Variants in WASF1 observed in about 807,000 individuals in gnomAD.
WASF1 encodes the protein WASP family member 1, also known as actin-binding protein WASF1.
In WASF1, 7 loss-of-function variants were observed where a neutral mutation model predicts 50.5. The observed-to-expected ratio is 0.14, with a 90% confidence interval of 0.08 to 0.26. WASF1 has a LOEUF of 0.26. Ranked by LOEUF, WASF1 falls within the 10% of genes least tolerant of loss-of-function variation. The pLI is 1.00. For synonymous variants in WASF1, 205 were observed against 244.0 expected, an observed-to-expected ratio of 0.84 and a Z score of 1.49; for missense variants, 470 against 694.7, an observed-to-expected ratio of 0.68 and a Z score of 3.64.
At chr6:110,147,927 T>G (rs2114572500) in intron 3 of WASF1, among the ~76,000 whole-genome samples, 1 of 152,250 alleles carries the variant, frequency 6.6e-6, no homozygotes. Flanking sequence ...TTAAATTTTT[T>G]GAAGAGACGA....
At chr6:110,146,550 AT>A (rs1475384969) in intron 3 of WASF1, among the ~76,000 whole-genome samples, 1 of 151,846 alleles carries the variant, frequency 6.6e-6, no homozygotes, top group Non-Finnish European at 1.5e-5. Context: ...AAAAATATAT[AT>A]ATCTAACTTT....
intron 3 of WASF1, among the ~76,000 whole-genome samples, chr6:110,135,721 CTTTTTTTTT>C (rs139834112): frequency 8.2e-5 from 6 of 73,538 alleles, no homozygotes; most frequent in East Asian, 9.8e-4. Flanking sequence ...GGAAGATTAT[CTTTTTTTTT>C]TTTTTTTTTT....
chr6:110,124,201 CTCTCTCT>C (rs1183714328), intron 4 of WASF1, among the ~76,000 whole-genome samples: 4 of 124,480 alleles, frequency 3.2e-5, no homozygotes, highest in African/African-American at 1.2e-4. Flanking sequence ...GTCTCTCTCT[CTCTCTCT>C]CTCTCTCTCC....
rs564688868 is a variant in WASF1 at position 110,114,625 on chromosome 6, A to G, written c.134-1165T>C. ...TGACAACTTAAAGCAAAAGGAAGGC[A>G]AAGGATCTAAACCTGGAAAATTTAA... On this transcript the variant is annotated intron_variant, in intron 4 of 10. Coordinates refer to ENST00000392589, the MANE Select transcript of WASF1 (RefSeq NM_003931.3). Among the ~76,000 whole-genome samples, 12 of 152,300 alleles carry G rather than the reference A, an allele frequency of 7.9e-5. No individual in the cohort carries two copies. In the East Asian group the frequency reaches 2.1e-3, roughly 27 times the overall value.
At chr6:110,178,798 A>G (rs529068887) in intron 1 of WASF1, 56 bp from the exon 2 acceptor site, 1 of 152,878 alleles carries the variant, frequency 6.5e-6, no homozygotes, top group East Asian at 1.9e-4. Flanking sequence ...GCATAGTTGA[A>G]TAATTATCTG....
At chr6:110,142,377 AC>A (rs1029186923) in intron 3 of WASF1, among the ~76,000 whole-genome samples, 19 of 152,106 alleles carry the variant, frequency 1.2e-4, no homozygotes, top group African/African-American at 4.6e-4. Flanking sequence ...TAGAGAGAAA[AC>A]CTTTCCTCAT....
chr6:110,175,976 T>C (rs922111751), intron 2 of WASF1, among the ~76,000 whole-genome samples: 4 of 152,146 alleles, frequency 2.6e-5, no homozygotes, highest in Non-Finnish European at 5.9e-5. Context: ...TCAGGTATTT[T>C]ATTATTTAAA....
At chr6:110,171,690 A>C (rs1486254613) in intron 2 of WASF1, among the ~76,000 whole-genome samples, 1 of 152,186 alleles carries the variant, frequency 6.6e-6, no homozygotes, top group Non-Finnish European at 1.5e-5. Flanking sequence ...ATGGGATCTA[A>C]TTAAACTAAA....
intron 2 of WASF1, among the ~76,000 whole-genome samples, chr6:110,165,650 C>CT (rs920839850): frequency 6.6e-6 from 1 of 151,526 alleles, no homozygotes; most frequent in East Asian, 1.9e-4. Context: ...AATACTTTTT[C>CT]TTTTTTTATA....
chr6:110,102,360 A>G (rs1261127467), intron 9 of WASF1, 144 bp from the exon 10 acceptor site: 3 of 837,684 alleles, frequency 3.6e-6, no homozygotes, highest in African/African-American at 3.5e-5. Flanking sequence ...AACATCTTCA[A>G]CAGTATTTAG....
intron 3 of WASF1, among the ~76,000 whole-genome samples, chr6:110,149,213 AT>A (rs1775714861): frequency 6.6e-6 from 1 of 151,714 alleles, no homozygotes; most frequent in Admixed American, 6.6e-5. Flanking sequence ...TCCCCCTTTC[AT>A]TTTTTTCCTT....
rs572576237 is a variant in WASF1, at chr6:110,129,661, G to A, written c.-28-2032C>T. 2.9e-4 allele frequency among the ~76,000 whole-genome samples: 44 copies of A among 152,272 alleles called. No homozygotes were observed. In the South Asian group the frequency reaches 8.7e-3, roughly 30 times the overall value. ...CAATTTGCCAAGGCACAGAAAAGAT[G>A]CTCACTTTGCTAGCTCTGCTATTGT... is the stretch of plus-strand genomic sequence containing the variant. On this transcript the variant is annotated intron_variant, in intron 3 of 10. Transcript: ENST00000392589.
At position 110,127,700 on chromosome 6, in the gene WASF1, T is replaced by C. The variant is rs867546136; in HGVS notation, c.-28-71A>G. ...CACAGAATGAGACTTTATTTTTCATTGAAGAATAAAGCACTGTTGACCCTT... is the reference window on the plus strand; with the variant it reads ...CACAGAATGAGACTTTATTTTTCATCGAAGAATAAAGCACTGTTGACCCTT... On this transcript the variant is annotated intron_variant, in intron 3 of 10. Transcript: ENST00000392589. The C allele has an allele frequency of 1.3e-5, 17 of 1,331,978 alleles. No individual in the cohort carries two copies. In the Middle Eastern group the frequency reaches 1.6e-3, roughly 125 times the overall value. 82.5% of individuals were successfully genotyped at this position (1,331,978 alleles called of 1,614,324 possible).
At chr6:110,111,964 A>G (rs1338001979) in intron 5 of WASF1, among the ~76,000 whole-genome samples, 1 of 151,630 alleles carries the variant, frequency 6.6e-6, no homozygotes, top group Admixed American at 6.6e-5. Flanking sequence ...TAATAAAGCT[A>G]TTTTTTAAGT....
rs1198150295 is a variant in WASF1 at position 110,127,597 on chromosome 6, G to A, written c.5C>T (p.Pro2Leu). The A allele has an allele frequency of 1.9e-6, 3 of 1,552,612 alleles. No homozygotes were observed. Among genetic ancestry groups the A allele is most frequent in the African/African-American group, 1.4e-5 (1 of 72,432 alleles). The change falls in exon 4 of 11, where the codon CCG becomes CTG. Residue 2 changes from proline to leucine, a missense_variant. Physicochemically the swap from Pro to Leu is moderately conservative, Grantham distance 98. Around this residue, in one of 3 missense-constraint regions of WASF1, gnomAD observed 140 missense variants for 260.5 expected, o/e 0.54. Coordinates refer to ENST00000392589, the MANE Select transcript of WASF1 (RefSeq NM_003931.3). MPLVKRNIDPRH... is the reference protein window; with the variant it reads MLLVKRNIDPRH... ...AGGATCGATGTTTCTTTTCACTAGC[G>A]GCATCTTGAGATTAACCTTTGTGCC...
At position 110,103,391 on chromosome 6, in the gene WASF1, G is replaced by A. The variant is rs1773179377; in HGVS notation, c.880C>T (p.Pro294Ser). ...GTTCCAACATACCTGATACAGGTGG[G>A]TATCGGTTTTGCATCTCCTGCTCCA... ...MHGAGDAKPI[P>S]TCISSATGLI... Residue 294 changes from proline to serine, a missense_variant, in exon 9 of 11, where the codon CCC becomes TCC. Physicochemically the swap from Pro to Ser is moderately conservative, Grantham distance 74. Coordinates refer to ENST00000392589, the MANE Select transcript of WASF1 (RefSeq NM_003931.3). 6.2e-7 allele frequency: 1 copy of A among 1,612,756 alleles called. No homozygotes were observed. Among genetic ancestry groups the A allele is most frequent in the Non-Finnish European group, 8.5e-7 (1 of 1,179,178 alleles).
intron 2 of WASF1, among the ~76,000 whole-genome samples, chr6:110,161,671 G>T (rs749341236): frequency 2.0e-5 from 3 of 151,410 alleles, no homozygotes; most frequent in Non-Finnish European, 4.4e-5. Context: ...CCCATTCCTT[G>T]CCATTCAGCA....
In WASF1 at chr6:110,103,564, G is replaced by A. The variant is rs763279257; in HGVS notation, c.714-7C>T. On this transcript the variant is annotated splice_polypyrimidine_tract_variant and splice_region_variant and intron_variant, in intron 8 of 10. Transcript: ENST00000392589. ...ATCCACGTATGTCTGAGGTCTAAAA[G>A]AAATATATAGTATCAGTGAATTATT... 1 of 1,599,926 alleles carries A rather than the reference G, an allele frequency of 6.3e-7. No homozygotes were observed. Among genetic ancestry groups the A allele is most frequent in the African/African-American group, 1.3e-5 (1 of 74,738 alleles).
intron 4 of WASF1, among the ~76,000 whole-genome samples, chr6:110,124,236 CTCTCTCTCTCT>C (rs1774289449): frequency 1.6e-3 from 10 of 6,202 alleles, no homozygotes; most frequent in African/African-American, 4.7e-3. Flanking sequence ...CCTCTCTCTC[CTCTCTCTCTCT>C]CTCTCTCTCT....
Sources: allele counts gnomAD v4.1 joint callset (sites outside exome capture counted in the v4.1 genomes callset), GRCh38; gene constraint gnomAD v4.1.1; regional missense constraint gnomAD v4.1.1; transcripts MANE v1.5; gene names NCBI Gene and HGNC (gene_info 2026-07-23, HGNC 2026-07-21).